The following GPR37 variants were observed in gnomAD, a reference collection of about 807,000 sequenced individuals.
The protein encoded by GPR37 is prosaposin receptor GPR37.
A neutral mutation model predicts 43.6 loss-of-function variants in GPR37; 20 were observed. That is an observed-to-expected ratio of 0.46 (90% CI 0.32 to 0.67). The LOEUF is 0.67. Ranked by LOEUF, GPR37 falls within the 30% of genes least tolerant of loss-of-function variation. GPR37 has a pLI of 0.03. For missense variants in GPR37, 724 were observed against 797.2 expected (o/e 0.91, Z 1.11); for synonymous variants, 315 against 322.6 (o/e 0.98, Z 0.25).
chr7:124,763,843 A>T (rs1793878870), intron 1 of GPR37, 111 bp downstream of exon 1: 5 of 916,768 alleles, frequency 5.5e-6, no homozygotes, highest in Non-Finnish European at 8.4e-6. Flanking sequence ...AGGGCCCCAG[A>T]TAAAAAGGAA....
In GPR37 at chr7:124,747,315, G is replaced by T. The variant is rs770328501; in HGVS notation, c.1052C>A (p.Thr351Asn). Residue 351 changes from threonine (T) to asparagine (N), a missense_variant, in exon 2 of 2, where the codon ACC (threonine) becomes AAC (asparagine). Physicochemically the swap from Thr to Asn is moderately conservative, Grantham distance 65. This residue lies in a region of GPR37 where 342 missense variants were observed against 441.8 expected (regional missense o/e 0.77). Coordinates refer to ENST00000303921, the MANE Select transcript of GPR37 (RefSeq NM_005302.5). Reference sequence around the variant, plus strand: ...GCGGTCTATGCACAGAGCACATAAGGTGAAAGTGGTGACTCCCAGAGAAGC... The same window carrying T: ...GCGGTCTATGCACAGAGCACATAAGTTGAAAGTGGTGACTCCCAGAGAAGC... ...EVASLGVTTFTLCALCIDRFR... is the reference protein window; with the variant it reads ...EVASLGVTTFNLCALCIDRFR... 2 of 1,612,372 alleles carry T rather than the reference G, an allele frequency of 1.2e-6. No homozygotes were observed. Among genetic ancestry groups the T allele is most frequent in the East Asian group, 2.2e-5 (1 of 44,866 alleles).
chr7:124,750,263 C>T (rs772971079), intron 1 of GPR37, among the ~76,000 whole-genome samples: 6 of 152,098 alleles, frequency 3.9e-5, no homozygotes, highest in Non-Finnish European at 8.8e-5. Context: ...AACAAAACTT[C>T]TTAAACTATC....
intron 1 of GPR37, among the ~76,000 whole-genome samples, chr7:124,760,418 A>G (rs2116325159): frequency 1.3e-5 from 2 of 152,308 alleles, no homozygotes; most frequent in African/African-American, 4.8e-5. Context: ...TTTAACCTAT[A>G]TAACTTTTTG....
chr7:124,764,262 T>C lies in GPR37; in HGVS notation c.715A>G (p.Asn239Asp), dbSNP rs1157007639. The C allele has an allele frequency of 1.3e-6, 2 of 1,598,866 alleles. No homozygotes were observed. The highest frequency in any genetic ancestry group is 1.7e-6 in the Non-Finnish European group (2 of 1,172,702). Residue 239 changes from asparagine (N) to aspartate (D), a missense_variant, in exon 1 of 2, where the codon AAC becomes GAC. Around this residue, in one of 2 missense-constraint regions of GPR37, gnomAD observed 382 missense variants for 355.4 expected, o/e 1.07. Transcript: ENST00000303921. This position sits in a 1 kb window ranked among gnomAD's most constrained non-coding sequence, Gnocchi z 5.4. The stretch of plus-strand genomic sequence containing the variant: ...AGTCTCACACGCCGGTTCGTGCTGT[T>C]TCCCCGGCGGGGACCCCCAGGCTCA... ...IHEPGGPRRG[N>D]STNRRVRLKN...
chr7:124,749,318 C>T (rs755823081), intron 1 of GPR37, among the ~76,000 whole-genome samples: 1 of 152,024 alleles, frequency 6.6e-6, no homozygotes, highest in Non-Finnish European at 1.5e-5. Context: ...CTTTGGTCTA[C>T]ATCCCAGACA....
intron 1 of GPR37, among the ~76,000 whole-genome samples, chr7:124,749,008 C>T (rs755842158): frequency 2.6e-5 from 4 of 151,920 alleles, no homozygotes; most frequent in Admixed American, 6.6e-5. Flanking sequence ...AACTCTATGC[C>T]GAGCACTATG....
At position 124,764,104 on chromosome 7, in the gene GPR37, G is replaced by A. The variant is rs760733879; in HGVS notation, c.873C>T (p.Tyr291=). The A allele has an allele frequency of 6.2e-7, 1 of 1,613,802 alleles. No individual in the cohort carries two copies. The change falls in exon 1 of 2, where the codon TAC becomes TAT. Residue 291 remains tyrosine (Y), a synonymous_variant. Transcript: ENST00000303921. This position sits in a 1 kb window ranked among gnomAD's most constrained non-coding sequence, Gnocchi z 5.4. ...AGAGGGAGTTGGAGATGCTCCGCAT[G>A]TAGTAGTTGTGGCACACGATGCACA... ...AVMCIVCHNY[Y]MRSISNSLLA...
Position 124,744,090 on chromosome 7 carries a change from G to C in GPR37, c.*2435C>G, listed in dbSNP as rs1392982428. 6.6e-6 allele frequency: 1 copy of C among 152,024 alleles called. No homozygotes were observed. Among genetic ancestry groups the C allele is most frequent in the South Asian group, 2.1e-4 (1 of 4,830 alleles). The allele number at this position is 152,024 out of a possible 1,614,324, so 9.4% of individuals were successfully genotyped here. A position where few individuals can be genotyped will look rare whatever the true frequency, so the allele number is the denominator to read the frequency against. On this transcript the variant is annotated 3_prime_UTR_variant, in exon 2 of 2. Transcript: ENST00000303921. ...GACAGAGGTAGGATTCAATAAGAAAGTACATGTTGCAACTACAAAAAGTTG... is the reference window on the plus strand; with the variant it reads ...GACAGAGGTAGGATTCAATAAGAAACTACATGTTGCAACTACAAAAAGTTG...
intron 1 of GPR37, among the ~76,000 whole-genome samples, chr7:124,763,304 A>G (rs532370889): frequency 6.7e-4 from 102 of 152,352 alleles, no homozygotes; most frequent in African/African-American, 2.4e-3. Flanking sequence ...CACAAAAATA[A>G]AATTAAGAAA....
chr7:124,752,109 T>C (rs1351283970), intron 1 of GPR37, among the ~76,000 whole-genome samples: 1 of 152,116 alleles, frequency 6.6e-6, no homozygotes, highest in African/African-American at 2.4e-5. Context: ...GTAACAACAA[T>C]AAAGCTCCTT....
rs1349282304 is a variant in GPR37 at position 124,764,575 on chromosome 7, CA to C, written c.401del (p.Leu134TrpfsTer37). ...GGAGGGCCGTGGGGTTCCCTCTCCC[CA>C]AAGTTTCAGAAGGCTCCTGACCCCG... Reference protein sequence around the residue: ...GARGQEPSETLGRGNPTALQL... With the variant: ...GARGQEPSETXGRGNPTALQL... On this transcript the variant is annotated frameshift_variant, in exon 1 of 2. Transcript: ENST00000303921. LOFTEE classifies it high-confidence loss of function. The surrounding 1 kb of genome is among the most constrained non-coding windows in gnomAD (Gnocchi z 5.4). 6.2e-7 allele frequency: 1 copy of C among 1,612,116 alleles called. No homozygotes were observed.
At position 124,764,415 on chromosome 7, in the gene GPR37, T is replaced by G; in HGVS notation, c.562A>C (p.Lys188Gln). Residue 188 changes from lysine (K) to glutamine (Q), a missense_variant, in exon 1 of 2, where the codon AAA becomes CAA. Transcript: ENST00000303921. This position sits in a 1 kb window ranked among gnomAD's most constrained non-coding sequence, Gnocchi z 5.4. ...DLFYWPRRAGKLQGSHHKPLS... is the reference protein window; with the variant it reads ...DLFYWPRRAGQLQGSHHKPLS... ...GGCTTGTGGTGGGAACCCTGGAGTT[T>G]CCCGGCTCTCCTTGGCCAGTAAAAA... is the stretch of plus-strand genomic sequence containing the variant. 6.2e-7 allele frequency: 1 copy of G among 1,613,606 alleles called. No individual in the cohort carries two copies. Among genetic ancestry groups the G allele is most frequent in the African/African-American group, 1.3e-5 (1 of 75,054 alleles).
chr7:124,761,154 C>CAA (rs60967099), intron 1 of GPR37, among the ~76,000 whole-genome samples: 18 of 77,368 alleles, frequency 2.3e-4, no homozygotes, highest in East Asian at 4.2e-4. Context: ...GACTCCGTCT[C>CAA]AAAAAAAAAA....
In GPR37 at chr7:124,765,052, G is replaced by A. The variant is rs1793903972; in HGVS notation, c.-76C>T. On this transcript the variant is annotated 5_prime_UTR_variant, in exon 1 of 2. Transcript: ENST00000303921. ...GACACCTGCTGCCGAAGTTGCTGCT[G>A]AGAGTTAGGCACATGTCACATACTC... 1.5e-6 allele frequency: 2 copies of A among 1,350,064 alleles called. No homozygotes were observed. Among genetic ancestry groups the A allele is most frequent in the South Asian group, 1.5e-5 (1 of 65,486 alleles). The allele number at this position is 1,350,064 out of a possible 1,614,324, so 83.6% of individuals were successfully genotyped here.
At chr7:124,752,751 C>T (rs1793747390) in intron 1 of GPR37, among the ~76,000 whole-genome samples, 1 of 152,178 alleles carries the variant, frequency 6.6e-6, no homozygotes, top group East Asian at 1.9e-4. Flanking sequence ...TCATCTATGT[C>T]CTACTTAGTC....
chr7:124,749,257 G>A (rs1039391016), intron 1 of GPR37, among the ~76,000 whole-genome samples: 13 of 151,870 alleles, frequency 8.6e-5, no homozygotes, highest in East Asian at 1.9e-4. Flanking sequence ...TGTTAATAAC[G>A]TTTCAGATAA....
rs1466104092 is a variant in GPR37, at chr7:124,744,516, AGT to A, written c.*2007_*2008del. 4 of 152,134 alleles carry A rather than the reference AGT, an allele frequency of 2.6e-5. No individual in the cohort carries two copies. The highest frequency in any genetic ancestry group is 5.9e-5 in the Non-Finnish European group (4 of 68,074). The allele number at this position is 152,134 out of a possible 1,614,324, so 9.4% of individuals were successfully genotyped here. A position where few individuals can be genotyped will look rare whatever the true frequency, so the allele number is the denominator to read the frequency against. On this transcript the variant is annotated 3_prime_UTR_variant, in exon 2 of 2. Transcript: ENST00000303921. The stretch of plus-strand genomic sequence containing the variant: ...TTATAAATTAGCTCTCTCCTCCTGA[AGT>A]GTCCACTCCTCACACCATCTTTCAT...
Position 124,750,336 on chromosome 7 carries a change from C to T in GPR37, c.1024-2993G>A, listed in dbSNP as rs185465932. Among the ~76,000 whole-genome samples, 17 of 152,206 alleles carry T rather than the reference C, an allele frequency of 1.1e-4. No individual in the cohort carries two copies. In the East Asian group the frequency reaches 1.4e-3, roughly 12 times the overall value. Reference sequence around the variant, plus strand: ...AGGCAAATCTTTGTGCATGCTTCCCCGTCACTTTATAGCCCGAATGAGTCC... The same window carrying T: ...AGGCAAATCTTTGTGCATGCTTCCCTGTCACTTTATAGCCCGAATGAGTCC... On this transcript the variant is annotated intron_variant, in intron 1 of 1. Coordinates refer to ENST00000303921, the MANE Select transcript of GPR37 (RefSeq NM_005302.5).
intron 1 of GPR37, among the ~76,000 whole-genome samples, chr7:124,750,718 G>T (rs904133154): frequency 6.6e-6 from 1 of 152,140 alleles, no homozygotes; most frequent in African/African-American, 2.4e-5. Context: ...ATTAAGATGG[G>T]TGTGTTAGAT....
Sources: gnomAD v4.1 joint callset for allele counts (sites outside exome capture counted in the v4.1 genomes callset) on GRCh38, gnomAD v4.1.1 for gene constraint, gnomAD v4.1.1 regional missense constraint, Gnocchi (gnomAD v3.1) non-coding constraint, MANE v1.5 for transcripts, NCBI Gene and HGNC (gene_info 2026-07-23, HGNC 2026-07-21) for gene names.